MIPOL1: variants seen among roughly 807,000 people sequenced by gnomAD.
MIPOL1 encodes the protein mirror-image polydactyly 1.
MIPOL1 carries 57 observed loss-of-function variants against 60.9 expected under a neutral mutation model. The observed-to-expected ratio is 0.94, with a 90% CI of 0.76 to 1.17. MIPOL1 has a LOEUF of 1.17. Among genes scored for constraint, MIPOL1 ranks in the 50% most tolerant of loss-of-function variants. The probability of loss-of-function intolerance (pLI) is 0.00; values close to 1 mark genes in which losing one functional copy is unlikely to be tolerated. For synonymous variants in MIPOL1, 179 were observed against 168.8 expected, an observed-to-expected ratio of 1.06 and a Z score of -0.47; for missense variants, 551 against 511.6, an observed-to-expected ratio of 1.08 and a Z score of -0.74.
At chr14:37,464,111 T>TG (rs2094570895) in intron 11 of MIPOL1, among the ~76,000 whole-genome samples, 1 of 152,094 alleles carries the variant, frequency 6.6e-6, no homozygotes. Flanking sequence ...AAAACAAAGA[T>TG]GGTAGCAAAG....
intron 11 of MIPOL1, among the ~76,000 whole-genome samples, chr14:37,480,013 A>G (rs2094837897): frequency 1.3e-5 from 2 of 152,130 alleles, no homozygotes; most frequent in African/African-American, 4.8e-5. Context: ...TAAACAGACC[A>G]GTAATGACTA....
chr14:37,382,577 C>T (rs2092953663), intron 10 of MIPOL1, among the ~76,000 whole-genome samples: 1 of 151,914 alleles, frequency 6.6e-6, no homozygotes, highest in Admixed American at 6.6e-5. Context: ...ACGGTTTTTA[C>T]CAGTTCATCT....
At chr14:37,459,961 C>T (rs961085503) in intron 11 of MIPOL1, among the ~76,000 whole-genome samples, 4 of 151,998 alleles carry the variant, frequency 2.6e-5, no homozygotes, top group Admixed American at 6.6e-5. Context: ...TGCCTGTAAC[C>T]GCAGCTACTC....
rs113959063 is a variant in MIPOL1, at chr14:37,228,356, A to C, written c.-198-18747A>C. Among the ~76,000 whole-genome samples the C allele has an allele frequency of 2.8e-3, 366 of 129,112 alleles. 2 individuals carry two copies. Among genetic ancestry groups the C allele is most frequent in the African/African-American group, 0.01 (344 of 33,726 alleles). The allele number at this position is 129,112 out of a possible 152,430, so 84.7% of individuals were successfully genotyped here. A position where few individuals can be genotyped will look rare whatever the true frequency, so the allele number is the denominator to read the frequency against. On this transcript the variant is annotated intron_variant, in intron 1 of 12. Coordinates refer to ENST00000684589, the MANE Select transcript of MIPOL1 (RefSeq NM_001388067.1). ...TTTTTTTTTTTTTTTTAGTAGTTCCAGGTGGATTTTGGGGAAGAGAACTGA... is the reference window on the plus strand; with the variant it reads ...TTTTTTTTTTTTTTTTAGTAGTTCCCGGTGGATTTTGGGGAAGAGAACTGA...
At chr14:37,333,672 A>C (rs2089903733) in intron 9 of MIPOL1, among the ~76,000 whole-genome samples, 1 of 152,156 alleles carries the variant, frequency 6.6e-6, no homozygotes, top group Non-Finnish European at 1.5e-5. Context: ...ATCACCAGAA[A>C]TACATAACAA....
chr14:37,356,264 T>A (rs1249134197), intron 9 of MIPOL1, among the ~76,000 whole-genome samples: 8 of 151,716 alleles, frequency 5.3e-5, no homozygotes, highest in Non-Finnish European at 8.8e-5. Context: ...GTCTGCCAGT[T>A]CTCAGATCTC....
At chr14:37,516,357 A>G (rs2095369164) in intron 12 of MIPOL1, among the ~76,000 whole-genome samples, 1 of 152,194 alleles carries the variant, frequency 6.6e-6, no homozygotes, top group African/African-American at 2.4e-5. Context: ...AGTTTACATT[A>G]TGAAATAGAG....
chr14:37,319,742 A>C (rs2088347031), intron 9 of MIPOL1, among the ~76,000 whole-genome samples: 1 of 152,146 alleles, frequency 6.6e-6, no homozygotes, highest in African/African-American at 2.4e-5. Flanking sequence ...CCTTGAAAGC[A>C]GCATCCTGAT....
chr14:37,396,446 T>A (rs988513382), intron 10 of MIPOL1, among the ~76,000 whole-genome samples: 3 of 152,088 alleles, frequency 2.0e-5, no homozygotes, highest in African/African-American at 7.2e-5. Context: ...CTGATGACAA[T>A]GCGCCTAGGT....
chr14:37,331,941 G>A (rs1219764059), intron 9 of MIPOL1, among the ~76,000 whole-genome samples: 1 of 152,100 alleles, frequency 6.6e-6, no homozygotes, highest in African/African-American at 2.4e-5. Context: ...ACGAGGTCAG[G>A]AGTTCAAGAC....
intron 9 of MIPOL1, among the ~76,000 whole-genome samples, chr14:37,352,016 T>G (rs1367939955): frequency 1.8e-4 from 19 of 105,042 alleles, no homozygotes; most frequent in African/African-American, 6.8e-4. Flanking sequence ...TAGGTTTTCT[T>G]CTAGGGTTTT....
At chr14:37,211,194 AC>A (rs987007129) in intron 1 of MIPOL1, among the ~76,000 whole-genome samples, 2 of 17,806 alleles carry the variant, frequency 1.1e-4, no homozygotes, top group Non-Finnish European at 2.4e-4. Context: ...CCACCCCCCC[AC>A]CCCCCAGACA....
At chr14:37,356,629 G>T (rs1374686483) in intron 9 of MIPOL1, among the ~76,000 whole-genome samples, 1 of 152,180 alleles carries the variant, frequency 6.6e-6, no homozygotes, top group Non-Finnish European at 1.5e-5. Flanking sequence ...TTTTAAGCCT[G>T]TCAGAAAAGC....
intron 4 of MIPOL1, 59 bp downstream of exon 4, chr14:37,267,228 C>G: frequency 7.5e-7 from 1 of 1,331,160 alleles, no homozygotes; most frequent in Non-Finnish European, 1.1e-6. Flanking sequence ...TGGCTCATGC[C>G]TGTAATCTCA....
chr14:37,483,424 CCTT>C (rs2094903703), intron 11 of MIPOL1, among the ~76,000 whole-genome samples: 1 of 151,922 alleles, frequency 6.6e-6, no homozygotes, highest in Non-Finnish European at 1.5e-5. Flanking sequence ...CAACAACAAT[CCTT>C]CTTTCCTTAA....
intron 9 of MIPOL1, among the ~76,000 whole-genome samples, chr14:37,342,531 G>C (rs1173325510): frequency 2.0e-5 from 3 of 151,732 alleles, no homozygotes; most frequent in Non-Finnish European, 4.4e-5. Flanking sequence ...CCAAGTAGCT[G>C]GGATTACAGG....
chr14:37,313,151 C>T (rs2087525426), intron 9 of MIPOL1, among the ~76,000 whole-genome samples: 1 of 152,010 alleles, frequency 6.6e-6, no homozygotes. Context: ...AATCATATTG[C>T]ATCAAATATA....
Position 37,465,491 on chromosome 14 carries a change from A to G in MIPOL1, c.1032-34417A>G, listed in dbSNP as rs112404363. Among the ~76,000 whole-genome samples the G allele has an allele frequency of 3.1e-3, 476 of 152,290 alleles. 3 individuals carry two copies. The highest frequency in any genetic ancestry group is 0.031 in the Middle Eastern group (9 of 294). ...TCCTAGTGTTGAGAAATGCACCATT[A>G]TCACCTCAAATCTGGCAAATTTGTA... On this transcript the variant is annotated intron_variant, in intron 11 of 12. Coordinates refer to ENST00000684589, the MANE Select transcript of MIPOL1 (RefSeq NM_001388067.1).
At chr14:37,280,458 T>C (rs1260835768) in intron 6 of MIPOL1, among the ~76,000 whole-genome samples, 2 of 152,212 alleles carry the variant, frequency 1.3e-5, no homozygotes, top group Non-Finnish European at 2.9e-5. Flanking sequence ...GGTTTGCTTT[T>C]CTCCACATCC....
Sources: gnomAD v4.1 joint callset for allele counts (sites outside exome capture counted in the v4.1 genomes callset) on GRCh38, gnomAD v4.1.1 for gene constraint, MANE v1.5 for transcripts, NCBI Gene and HGNC (gene_info 2026-07-23, HGNC 2026-07-21) for gene names.